DOP1B: variants seen among roughly 807,000 people sequenced by gnomAD.
The protein encoded by DOP1B is DOP1 leucine zipper like protein B.
A neutral mutation model predicts 233.5 loss-of-function variants in DOP1B; 174 were observed. The ratio of observed to expected loss-of-function variants is 0.75; its 90% confidence interval spans 0.66 to 0.85. The LOEUF is 0.85. Among genes scored for constraint, DOP1B ranks in the 40% least tolerant of loss-of-function variants. The pLI, the probability that DOP1B is intolerant of heterozygous loss-of-function variation, is 0.00. For missense variants in DOP1B, 2,652 were observed against 2,846.6 expected, an observed-to-expected ratio of 0.93 and a Z score of 1.56; for synonymous variants, 1,190 against 1,185.6, an observed-to-expected ratio of 1.00 and a Z score of -0.08.
chr21:36,221,326 C>T (rs189389318), intron 10 of DOP1B, among the ~76,000 whole-genome samples: 2 of 151,578 alleles, frequency 1.3e-5, no homozygotes, highest in Admixed American at 1.3e-4. Flanking sequence ...AACCTGGTCT[C>T]TACAAAAAAA....
chr21:36,164,565 C>T, intron 1 of DOP1B, 143 bp from the exon 2 acceptor site: 1 of 517,874 alleles, frequency 1.9e-6, no homozygotes, highest in South Asian at 4.3e-5. Flanking sequence ...GCCCAGAAGC[C>T]TTGCTAAATA....
In DOP1B at chr21:36,283,504, A is replaced by G. The variant is rs981315347; in HGVS notation, c.6160+1893A>G. ...GACATAATTTCCGCATGTAGTGCAC[A>G]TAAGATTTTTACCTTGTAATATCTT... is the stretch of plus-strand genomic sequence containing the variant. On this transcript the variant is annotated intron_variant, in intron 32 of 36. Coordinates refer to ENST00000691173, the MANE Select transcript of DOP1B (RefSeq NM_001320714.2). Among the ~76,000 whole-genome samples the G allele has an allele frequency of 6.6e-5, 10 of 152,366 alleles. No homozygotes were observed. In the South Asian group the frequency reaches 1.7e-3, roughly 25 times the overall value.
intron 12 of DOP1B, among the ~76,000 whole-genome samples, chr21:36,227,245 A>G (rs184977023): frequency 9.4e-5 from 14 of 148,398 alleles, no homozygotes; most frequent in Admixed American, 8.8e-4. Flanking sequence ...ATAAAATAAA[A>G]TAAAAAAGAA....
chr21:36,242,070 C>T (rs991997948), intron 18 of DOP1B, among the ~76,000 whole-genome samples: 2 of 151,916 alleles, frequency 1.3e-5, no homozygotes, highest in Admixed American at 6.6e-5. Context: ...AGTTTGGCTA[C>T]TATTCATGGC....
rs748993814 is a variant in DOP1B at position 36,231,117 on chromosome 21, C to T, written c.2333C>T (p.Thr778Met). The change falls in exon 14 of 37, where the codon ACG (threonine) becomes ATG (methionine). Residue 778 changes from threonine (T) to methionine (M), a missense_variant. Around this residue, in one of 3 missense-constraint regions of DOP1B, gnomAD observed 2,617 missense variants for 2,794.3 expected, o/e 0.94. Transcript: ENST00000691173. ...GAAGAGACCGAGCAGCTCTGTGCAA[C>T]GCTCTTCCAGCTGCCAGGTGAGAGG... is the stretch of plus-strand genomic sequence containing the variant. The part of the protein sequence containing the change: ...SEEETEQLCA[T>M]LFQLPGAGDS... The T allele has an allele frequency of 1.3e-5, 20 of 1,586,162 alleles. No individual in the cohort carries two copies. Among genetic ancestry groups the T allele is most frequent in the South Asian group, 4.5e-5 (4 of 88,134 alleles).
intron 18 of DOP1B, among the ~76,000 whole-genome samples, chr21:36,241,503 CTTTT>C (rs1165636640): frequency 1.3e-5 from 1 of 76,470 alleles, no homozygotes; most frequent in East Asian, 4.0e-4. Context: ...TTATCTTAAT[CTTTT>C]TTTTTTTTTT....
chr21:36,202,081 G>C (rs1284580475), intron 4 of DOP1B, among the ~76,000 whole-genome samples: 1 of 152,086 alleles, frequency 6.6e-6, no homozygotes, highest in Non-Finnish European at 1.5e-5. Context: ...CAGCTACTTG[G>C]GAGGCTGAGG....
At chr21:36,163,572 A>G (rs1345973228) in intron 1 of DOP1B, among the ~76,000 whole-genome samples, 1 of 152,158 alleles carries the variant, frequency 6.6e-6, no homozygotes, top group East Asian at 1.9e-4. Context: ...TTGTTTAGCA[A>G]TCTACCCAGC....
intron 2 of DOP1B, among the ~76,000 whole-genome samples, chr21:36,180,307 G>T (rs1194912104): frequency 2.0e-5 from 3 of 152,204 alleles, no homozygotes; most frequent in Non-Finnish European, 4.4e-5. Flanking sequence ...GGTGGCTCAT[G>T]CCTGTAATCC....
In DOP1B at chr21:36,184,691, C is replaced by G. The variant is rs528742272; in HGVS notation, c.139-14379C>G. On this transcript the variant is annotated intron_variant, in intron 2 of 36. Coordinates refer to ENST00000691173, the MANE Select transcript of DOP1B (RefSeq NM_001320714.2). Reference sequence around the variant, plus strand: ...CGGCCTGAGGCTCTGCGTTCCCCTCCTTGGTGCTCAGGCTGCCCGGCATAC... The same window carrying G: ...CGGCCTGAGGCTCTGCGTTCCCCTCGTTGGTGCTCAGGCTGCCCGGCATAC... Among the ~76,000 whole-genome samples, 3 of 152,278 alleles carry G rather than the reference C, an allele frequency of 2.0e-5. No homozygotes were observed. In the South Asian group the frequency reaches 6.2e-4, roughly 32 times the overall value.
intron 22 of DOP1B, among the ~76,000 whole-genome samples, chr21:36,251,933 G>T (rs548007445): frequency 1.3e-5 from 2 of 152,190 alleles, no homozygotes; most frequent in East Asian, 3.9e-4. Flanking sequence ...TGGCACAGTG[G>T]CTCACACCTA....
chr21:36,163,344 CA>C (rs762277927), intron 1 of DOP1B, among the ~76,000 whole-genome samples: 3,356 of 107,746 alleles, frequency 0.031, 78 homozygotes, highest in African/African-American at 0.066. Flanking sequence ...GACTCTGTCT[CA>C]AAAAAAAAAA....
At chr21:36,208,928 G>A in intron 5 of DOP1B, 24 bp downstream of exon 5, 2 of 1,482,470 alleles carry the variant, frequency 1.3e-6, no homozygotes, top group Non-Finnish European at 1.8e-6. Context: ...TCCTCACAGG[G>A]CATGGGGAGG....
intron 2 of DOP1B, among the ~76,000 whole-genome samples, chr21:36,187,706 C>T (rs1443974391): frequency 6.6e-6 from 1 of 152,142 alleles, no homozygotes; most frequent in African/African-American, 2.4e-5. Context: ...CTCCTAGTTC[C>T]AAGTGATCCT....
In DOP1B at chr21:36,281,562, C is replaced by A; in HGVS notation, c.6111C>A (p.Val2037=). 6.2e-7 allele frequency: 1 copy of A among 1,609,742 alleles called. No homozygotes were observed. The highest frequency in any genetic ancestry group is 1.1e-5 in the South Asian group (1 of 90,884). The change falls in exon 32 of 37, where the codon GTC becomes GTA. Residue 2037 remains valine (V), a synonymous_variant. Transcript: ENST00000691173. The part of the protein sequence containing the change: ...AMLLKRQAFA[V]FSGELDQYHL... ...TGTTAAAGCGCCAGGCTTTTGCTGT[C>A]TTCAGTGGAGAACTTGATCAATACC...
Position 36,230,625 on chromosome 21 carries a change from A to G in DOP1B, c.1841A>G (p.Asp614Gly), listed in dbSNP as rs779439751. ...GTTCCTCGAGTTTCTCTGGAAAGGG[A>G]CGACGTTTGGAAGAAGGGCGGGAGC... is the stretch of plus-strand genomic sequence containing the variant. ...LRVPRVSLER[D>G]DVWKKGGSMQ... is the part of the protein sequence containing the mutation. Residue 614 changes from aspartate (D) to glycine (G), a missense_variant, in exon 14 of 37, where the codon GAC (aspartate) becomes GGC (glycine). By Grantham distance (94) the Asp-to-Gly change is moderately conservative (BLOSUM62 -1). Coordinates refer to ENST00000691173, the MANE Select transcript of DOP1B (RefSeq NM_001320714.2). The G allele has an allele frequency of 2.5e-6, 4 of 1,614,126 alleles. No individual in the cohort carries two copies. The highest frequency in any genetic ancestry group is 1.1e-5 in the South Asian group (1 of 91,082).
chr21:36,258,428 T>C (rs576481658), intron 23 of DOP1B, among the ~76,000 whole-genome samples: 23 of 152,158 alleles, frequency 1.5e-4, no homozygotes, highest in African/African-American at 4.6e-4. Context: ...TTTTTTTTTT[T>C]CACATCAGAC....
At chr21:36,206,045 C>T (rs575298868) in intron 4 of DOP1B, among the ~76,000 whole-genome samples, 2 of 151,326 alleles carry the variant, frequency 1.3e-5, no homozygotes, top group Non-Finnish European at 2.9e-5. Flanking sequence ...GGACTGTAAA[C>T]TGCACACTAA....
chr21:36,227,380 T>C (rs1363511403), intron 12 of DOP1B, among the ~76,000 whole-genome samples: 3 of 151,220 alleles, frequency 2.0e-5, no homozygotes, highest in South Asian at 4.2e-4. Flanking sequence ...ACCCCATCTC[T>C]ACTAAACATA....
Sources: gnomAD v4.1 joint callset for allele counts (sites outside exome capture counted in the v4.1 genomes callset) on GRCh38, gnomAD v4.1.1 for gene constraint, gnomAD v4.1.1 regional missense constraint, MANE v1.5 for transcripts, NCBI Gene and HGNC (gene_info 2026-07-23, HGNC 2026-07-21) for gene names.